The following MED6 variants were observed in gnomAD, a reference collection of about 807,000 sequenced individuals.
MED6 encodes mediator complex subunit 6.
A neutral mutation model predicts 37.5 loss-of-function variants in MED6; 33 were observed. That is an observed-to-expected ratio of 0.88 (90% CI 0.67 to 1.18). The LOEUF (loss-of-function observed/expected upper bound fraction) is 1.18, where lower values mean the gene tolerates loss of function less well. Among genes scored for constraint, MED6 ranks in the 50% most tolerant of loss-of-function variants. The pLI, the probability that MED6 is intolerant of heterozygous loss-of-function variation, is 0.00. For synonymous variants in MED6, 94 were observed against 93.6 expected, an observed-to-expected ratio of 1.00 and a Z score of -0.02; for missense variants, 235 against 290.6, an observed-to-expected ratio of 0.81 and a Z score of 1.39.
In MED6 at chr14:70,584,278, C is replaced by G; in HGVS notation, c.*535G>C. On this transcript the variant is annotated 3_prime_UTR_variant, in exon 8 of 8. Coordinates refer to ENST00000256379, the MANE Select transcript of MED6 (RefSeq NM_005466.4). Reference sequence around the variant, plus strand: ...TTATTTTGCTTTTAAACATATCTACCAGTAAACATGTGAGTGTGTAGGTTG... The same window carrying G: ...TTATTTTGCTTTTAAACATATCTACGAGTAAACATGTGAGTGTGTAGGTTG... 1 of 633,976 alleles carries G rather than the reference C, an allele frequency of 1.6e-6. No individual in the cohort carries two copies. The highest frequency in any genetic ancestry group is 2.4e-5 in the Admixed American group (1 of 41,504). 39.3% of individuals were successfully genotyped at this position (633,976 alleles called of 1,614,324 possible). A position where few individuals can be genotyped will look rare whatever the true frequency, so the allele number is the denominator to read the frequency against.
intron 6 of MED6, among the ~76,000 whole-genome samples, chr14:70,587,333 G>A (rs1884739285): frequency 1.3e-5 from 2 of 152,182 alleles, no homozygotes; most frequent in African/African-American, 4.8e-5. Context: ...ACAACTACAT[G>A]CTGAGTCCTC....
rs76430059 is a variant in MED6, at chr14:70,591,116, C to T, written c.582+150G>A. The T allele has an allele frequency of 1.3e-3, 766 of 606,428 alleles. 11 individuals are homozygous for T. The East Asian group carries it at 0.02, about 16-fold the overall frequency. The allele number at this position is 606,428 out of a possible 1,614,324, so 37.6% of individuals were successfully genotyped here. A position where few individuals can be genotyped will look rare whatever the true frequency, so the allele number is the denominator to read the frequency against. ...TACCCATTTCTTCCATTAAGTCTTT[C>T]GAAACCTTTCCTTTGATACAGAGAT... On this transcript the variant is annotated intron_variant, in intron 6 of 7. Coordinates refer to ENST00000256379, the MANE Select transcript of MED6 (RefSeq NM_005466.4).
intron 3 of MED6, chr14:70,594,498 T>C: frequency 6.3e-6 from 2 of 317,722 alleles, no homozygotes; most frequent in Non-Finnish European, 1.2e-5. Flanking sequence ...AAAAGTTAAT[T>C]GTGGTCATCA....
chr14:70,586,365 T>C (rs1884707629), intron 6 of MED6, among the ~76,000 whole-genome samples: 1 of 152,178 alleles, frequency 6.6e-6, no homozygotes, highest in African/African-American at 2.4e-5. Flanking sequence ...TTCTTTCACT[T>C]GATTAAGCTC....
At chr14:70,597,479 C>T (rs1885078724) in intron 2 of MED6, 139 bp downstream of exon 2, 1 of 594,928 alleles carries the variant, frequency 1.7e-6, no homozygotes, top group African/African-American at 2.0e-5. Flanking sequence ...CCCTGCATGT[C>T]AAATTTGCAT....
chr14:70,589,019 T>C (rs368537608), intron 6 of MED6, among the ~76,000 whole-genome samples: 1 of 152,064 alleles, frequency 6.6e-6, no homozygotes, highest in East Asian at 1.9e-4. Context: ...AAAAGTTGTC[T>C]TTCACTGGAG....
chr14:70,591,262 T>A lies in MED6; in HGVS notation c.582+4A>T, dbSNP rs1339600671. On this transcript the variant is annotated splice_donor_region_variant and intron_variant, in intron 6 of 7. Transcript: ENST00000256379. ...TCAAGATTAACCACACATATTCTCA[T>A]TACCTGCACAAATTTGGGTGGAAAT... is the stretch of plus-strand genomic sequence containing the variant. The A allele has an allele frequency of 6.2e-7, 1 of 1,603,140 alleles. No homozygotes were observed. Among genetic ancestry groups the A allele is most frequent in the East Asian group, 2.2e-5 (1 of 44,658 alleles).
At chr14:70,595,073 T>G (rs957705381) in intron 3 of MED6, 2 of 543,762 alleles carry the variant, frequency 3.7e-6, no homozygotes, top group African/African-American at 3.8e-5. Context: ...GAGCTGGCCA[T>G]GTATCAGTCT....
In MED6 at chr14:70,592,965, CTG is replaced by C; in HGVS notation, c.379_380del (p.Gln127ValfsTer4). 1 of 1,613,760 alleles carries C rather than the reference CTG, an allele frequency of 6.2e-7. No individual in the cohort carries two copies. ...ATGACATAGCTTCATCAAAAGCTGA[CTG>C]AATACCATGCACTGCAGTAAGCTTG... ...SRVLTAVHGI[Q>X]SAFDEAMSYC... is the part of the protein sequence containing the mutation. On this transcript the variant is annotated frameshift_variant, in exon 5 of 8. Transcript: ENST00000256379. LOFTEE classifies it high-confidence loss of function.
chr14:70,585,884 G>A, intron 6 of MED6, 101 bp from the exon 7 acceptor site: 2 of 857,980 alleles, frequency 2.3e-6, no homozygotes, highest in Non-Finnish European at 3.6e-6. Flanking sequence ...TTAATAAAAT[G>A]AAAGCTTCAT....
intron 3 of MED6, chr14:70,594,697 G>A (rs766333718): frequency 4.2e-5 from 19 of 456,180 alleles, no homozygotes; most frequent in East Asian, 1.9e-4. Context: ...TCCGTGTCCC[G>A]CTCCACCGGT....
chr14:70,600,320 C>T (rs995062660), intron 1 of MED6, among the ~76,000 whole-genome samples: 2 of 152,066 alleles, frequency 1.3e-5, no homozygotes, highest in Non-Finnish European at 2.9e-5. Context: ...AATAGAATAG[C>T]CCTAATGTTG....
intron 5 of MED6, chr14:70,592,478 C>CTTTTTTTTTTTTTTTTTTT (rs201036704): frequency 4.5e-5 from 4 of 88,836 alleles, no homozygotes; most frequent in African/African-American, 2.4e-4. Flanking sequence ...TCCTATGTTC[C>CTTTTTTTTTTTTTTTTTTT]TTTTTTTTTT....
At position 70,583,912 on chromosome 14, in the gene MED6, G is replaced by C. The variant is rs1884620186; in HGVS notation, c.*901C>G. ...CCAGCAAGAAGGCCCTCACCAGATG[G>C]AGCCAATCAATGCTGGACTTCTCAG... On this transcript the variant is annotated 3_prime_UTR_variant, in exon 8 of 8. Transcript: ENST00000256379. The C allele has an allele frequency of 2.4e-6, 1 of 410,832 alleles. No individual in the cohort carries two copies. The allele number at this position is 410,832 out of a possible 1,614,324, so 25.4% of individuals were successfully genotyped here.
rs1884942840 is a variant in MED6, at chr14:70,593,377, A to C, written c.276T>G (p.Val92=). The change falls in exon 4 of 8, where the codon GTT becomes GTG. Residue 92 remains valine (V), a splice_region_variant and synonymous_variant. Coordinates refer to ENST00000256379, the MANE Select transcript of MED6 (RefSeq NM_005466.4). ...TGATATAGTAATCAGCTAGTGGGAT[A>C]ACTAAAACAGTGGGAAAAAAGGTTT... ...RKQQRQSPAQ[V]IPLADYYIIA... The C allele has an allele frequency of 1.9e-6, 3 of 1,610,998 alleles. No individual in the cohort carries two copies. Among genetic ancestry groups the C allele is most frequent in the Non-Finnish European group, 2.5e-6 (3 of 1,177,850 alleles).
chr14:70,600,566 C>G (rs779317609), intron 1 of MED6, 50 bp downstream of exon 1: 1 of 1,608,050 alleles, frequency 6.2e-7, no homozygotes, highest in Non-Finnish European at 8.5e-7. Flanking sequence ...TATAACATCC[C>G]AAACTGGTCC....
rs1884659895 is a variant in MED6 at position 70,584,931 on chromosome 14, T to A, written c.623A>T (p.Lys208Met). 1 of 1,613,782 alleles carries A rather than the reference T, an allele frequency of 6.2e-7. No individual in the cohort carries two copies. Among genetic ancestry groups the A allele is most frequent in the African/African-American group, 1.3e-5 (1 of 74,886 alleles). ...GEKPVPVDQT[K>M]KEAEPIPETV... The stretch of plus-strand genomic sequence containing the variant: ...TTCTGGTATAGGTTCTGCCTCTTTC[T>A]TTGTTTGATCCACTAGATATCAAAA... The change falls in exon 8 of 8, where the codon AAG (lysine) becomes ATG (methionine). Residue 208 changes from lysine (K) to methionine (M), a missense_variant. Transcript: ENST00000256379.
chr14:70,596,083 GAT>G, intron 3 of MED6: 1 of 223,698 alleles, frequency 4.5e-6, no homozygotes, highest in South Asian at 8.3e-5. Context: ...TTTCCTATAT[GAT>G]AGTTAGGCTG....
intron 6 of MED6, among the ~76,000 whole-genome samples, chr14:70,588,638 A>G (rs1884779772): frequency 6.6e-6 from 1 of 151,030 alleles, no homozygotes; most frequent in Admixed American, 6.6e-5. Context: ...GTGAGCTGAG[A>G]TCGTGCCACT....
Sources: gnomAD v4.1 joint callset for allele counts (sites outside exome capture counted in the v4.1 genomes callset) on GRCh38, gnomAD v4.1.1 for gene constraint, MANE v1.5 for transcripts, NCBI Gene and HGNC (gene_info 2026-07-23, HGNC 2026-07-21) for gene names.